The following GALNT13 variants were observed in gnomAD, a reference collection of about 807,000 sequenced individuals.
GALNT13 encodes the protein polypeptide N-acetylgalactosaminyltransferase 13.
Under a neutral mutation model 64.2 loss-of-function variants are expected in GALNT13, and 28 were observed. The ratio of observed to expected loss-of-function variants is 0.44; its 90% CI spans 0.32 to 0.60. GALNT13 has a LOEUF of 0.60. GALNT13 is among the 20% of genes least tolerant of loss of function. The pLI is 0.05. For synonymous variants in GALNT13, 214 were observed against 224.6 expected (o/e 0.95, Z 0.42); for missense variants, 577 against 669.8 (o/e 0.86, Z 1.53).
the GALNT13 span, among the ~76,000 whole-genome samples, chr2:153,441,160 G>T: frequency 6.6e-6 from 1 of 152,132 alleles, no homozygotes; most frequent in Admixed American, 6.5e-5. Flanking sequence ...TCAGATTTCT[G>T]CATATGGCTG....
intron 4 of GALNT13, among the ~76,000 whole-genome samples, chr2:154,145,634 T>C (rs889636459): frequency 2.6e-5 from 4 of 151,998 alleles, no homozygotes; most frequent in African/African-American, 7.2e-5. Context: ...TAACTGCTTC[T>C]TACATATGCA....
In GALNT13 at chr2:154,141,857, A is replaced by T. The variant is rs529528631; in HGVS notation, c.311+1352A>T. ...TGCACTTGGAAATAATATTGCACGA[A>T]AAATGATGTTGAAAAATTCAACTTT... is the stretch of plus-strand genomic sequence containing the variant. On this transcript the variant is annotated intron_variant, in intron 4 of 12. Coordinates refer to ENST00000392825, the MANE Select transcript of GALNT13 (RefSeq NM_052917.4). Among the ~76,000 whole-genome samples the T allele has an allele frequency of 2.0e-5, 3 of 152,344 alleles. No homozygotes were observed. The East Asian group carries it at 5.8e-4, about 29-fold the overall frequency.
At chr2:153,428,314 G>A in the GALNT13 span, among the ~76,000 whole-genome samples, 2 of 152,112 alleles carry the variant, frequency 1.3e-5, no homozygotes, top group African/African-American at 4.8e-5. Flanking sequence ...AGAAGGCAAA[G>A]GGGGAGCAAG....
chr2:153,661,742 A>G, the GALNT13 span, among the ~76,000 whole-genome samples: 14 of 152,196 alleles, frequency 9.2e-5, no homozygotes, highest in Admixed American at 1.3e-4. Flanking sequence ...TATATCATCA[A>G]TATCCTTCCA....
the GALNT13 span, among the ~76,000 whole-genome samples, chr2:153,351,026 AAGG>A: frequency 1.3e-5 from 2 of 152,188 alleles, no homozygotes; most frequent in African/African-American, 4.8e-5. Context: ...TGTAGGTTTT[AAGG>A]AGGATAGACT....
chr2:154,006,290 A>G (rs1236616226), intron 3 of GALNT13, among the ~76,000 whole-genome samples: 2 of 152,190 alleles, frequency 1.3e-5, no homozygotes, highest in Non-Finnish European at 2.9e-5. Flanking sequence ...TGTTTGATGT[A>G]TACATTAAAT....
intron 9 of GALNT13, among the ~76,000 whole-genome samples, chr2:154,345,252 C>T (rs564766811): frequency 1.3e-5 from 2 of 152,032 alleles, no homozygotes; most frequent in East Asian, 3.9e-4. Flanking sequence ...CATAATAATC[C>T]TGAAACATGT....
intron 3 of GALNT13, among the ~76,000 whole-genome samples, chr2:153,999,598 G>C (rs948889337): frequency 6.6e-6 from 1 of 152,010 alleles, no homozygotes; most frequent in African/African-American, 2.4e-5. Context: ...CCTTGATTTT[G>C]TTAATGTGAT....
chr2:154,043,455 T>TATATATATATATATATACACAC (rs1341373277), intron 3 of GALNT13, among the ~76,000 whole-genome samples: 1 of 105,000 alleles, frequency 9.5e-6, no homozygotes, highest in African/African-American at 4.0e-5. Context: ...TATATATATA[T>TATATATATATATATATACACAC]ACACACATGT....
At chr2:153,847,044 T>C in the GALNT13 span, among the ~76,000 whole-genome samples, 1 of 152,030 alleles carries the variant, frequency 6.6e-6, no homozygotes, top group Admixed American at 6.6e-5. Context: ...AGTAAAAGGA[T>C]GGCAAAATGT....
the GALNT13 span, among the ~76,000 whole-genome samples, chr2:153,437,133 G>C: frequency 6.6e-6 from 1 of 152,132 alleles, no homozygotes; most frequent in Non-Finnish European, 1.5e-5. Context: ...TAGTTGAGTG[G>C]TTTTGAGTGA....
At chr2:153,461,078 T>C in the GALNT13 span, among the ~76,000 whole-genome samples, 1 of 152,182 alleles carries the variant, frequency 6.6e-6, no homozygotes, top group African/African-American at 2.4e-5. Flanking sequence ...TTTGCATTAA[T>C]GTTTTTGATT....
the GALNT13 span, among the ~76,000 whole-genome samples, chr2:153,469,951 A>C: frequency 1.3e-5 from 2 of 152,116 alleles, no homozygotes; most frequent in Non-Finnish European, 2.9e-5. Flanking sequence ...AGAAATTCAG[A>C]GCTATTGTCC....
At position 154,352,459 on chromosome 2, in the gene GALNT13, T is replaced by G. The variant is rs559022195; in HGVS notation, c.1157-43532T>G. Among the ~76,000 whole-genome samples the G allele has an allele frequency of 4.6e-5, 7 of 152,370 alleles. No homozygotes were observed. The East Asian group carries it at 1.2e-3, about 25-fold the overall frequency. On this transcript the variant is annotated intron_variant, in intron 9 of 12. Transcript: ENST00000392825. ...TTGCTAATATTGTTAGGCACAGTTCTAGGTGCTGTTCATGCATTGTCACAT... is the reference window on the plus strand; with the variant it reads ...TTGCTAATATTGTTAGGCACAGTTCGAGGTGCTGTTCATGCATTGTCACAT...
chr2:153,831,755 CT>C, the GALNT13 span, among the ~76,000 whole-genome samples: 3 of 152,178 alleles, frequency 2.0e-5, no homozygotes, highest in African/African-American at 7.2e-5. Flanking sequence ...CAGCTTCCTA[CT>C]TCTACGTCCT....
the GALNT13 span, among the ~76,000 whole-genome samples, chr2:153,509,982 T>C: frequency 6.6e-6 from 1 of 152,250 alleles, no homozygotes; most frequent in East Asian, 1.9e-4. Context: ...CTGCACTATG[T>C]TGTTTGATTG....
chr2:153,576,984 T>C, the GALNT13 span, among the ~76,000 whole-genome samples: 1 of 152,162 alleles, frequency 6.6e-6, no homozygotes, highest in East Asian at 1.9e-4. Context: ...TATTTCATTG[T>C]TTTACTTTTC....
chr2:153,863,433 A>T, the GALNT13 span, among the ~76,000 whole-genome samples: 1 of 152,152 alleles, frequency 6.6e-6, no homozygotes, highest in Non-Finnish European at 1.5e-5. Flanking sequence ...TGGATAAAAG[A>T]CGTAATTGTT....
the GALNT13 span, among the ~76,000 whole-genome samples, chr2:153,675,577 G>T: frequency 6.6e-6 from 1 of 152,100 alleles, no homozygotes; most frequent in Middle Eastern, 3.2e-3. Flanking sequence ...ATAGAGTTAG[G>T]AGAAATACCT....
Sources: allele counts gnomAD v4.1 joint callset (sites outside exome capture counted in the v4.1 genomes callset), GRCh38; gene constraint gnomAD v4.1.1; transcripts MANE v1.5; gene names NCBI Gene and HGNC (gene_info 2026-07-23, HGNC 2026-07-21).